The following MYO3A variants were observed in gnomAD, a reference collection of about 807,000 sequenced individuals.
MYO3A encodes the protein myosin IIIA.
A neutral mutation model predicts 192.7 loss-of-function variants in MYO3A; 180 were observed. That is an observed-to-expected ratio of 0.93 (90% CI 0.83 to 1.06). MYO3A has a LOEUF of 1.06. Ranked by LOEUF, MYO3A falls within the 50% of genes least tolerant of loss-of-function variation. MYO3A has a pLI of 0.00. For missense variants in MYO3A, 1,896 were observed against 1,905.0 expected (o/e 1.00, Z 0.09); for synonymous variants, 628 against 645.3 (o/e 0.97, Z 0.41).
chr10:26,126,426 C>T (rs1385298913), intron 19 of MYO3A, among the ~76,000 whole-genome samples: 1 of 152,130 alleles, frequency 6.6e-6, no homozygotes, highest in Non-Finnish European at 1.5e-5. Context: ...CACTAAAATA[C>T]ATACCACACC....
intron 4 of MYO3A, among the ~76,000 whole-genome samples, chr10:25,988,741 T>TA (rs960966377): frequency 4.6e-5 from 7 of 151,328 alleles, no homozygotes; most frequent in Non-Finnish European, 1.0e-4. Context: ...TACTCAGCAT[T>TA]AAAAAAAAGG....
chr10:26,198,530 T>C (rs1843524837), intron 32 of MYO3A, among the ~76,000 whole-genome samples: 2 of 152,246 alleles, frequency 1.3e-5, no homozygotes, highest in Admixed American at 1.3e-4. Flanking sequence ...CCAAAGTCTT[T>C]TTCTTCCTAA....
intron 14 of MYO3A, among the ~76,000 whole-genome samples, chr10:26,085,948 A>G (rs1321807183): frequency 2.6e-5 from 4 of 152,086 alleles, no homozygotes; most frequent in Non-Finnish European, 4.4e-5. Context: ...CGTGCTCTAC[A>G]GGATTTCTTC....
intron 4 of MYO3A, among the ~76,000 whole-genome samples, chr10:25,985,889 A>C (rs1839621404): frequency 6.6e-6 from 1 of 152,142 alleles, no homozygotes. Context: ...AGGACATAAC[A>C]AAAAAAGGAA....
chr10:26,066,941 C>A (rs765024448), intron 10 of MYO3A, 34 bp from the exon 11 acceptor site: 5 of 1,456,286 alleles, frequency 3.4e-6, no homozygotes, highest in Non-Finnish European at 4.8e-6. Flanking sequence ...GAGCAGTAAT[C>A]AATTCTTAAA....
At chr10:25,957,827 A>G (rs1027110487) in intron 4 of MYO3A, among the ~76,000 whole-genome samples, 1 of 152,166 alleles carries the variant, frequency 6.6e-6, no homozygotes, top group African/African-American at 2.4e-5. Flanking sequence ...TTTGATTTTC[A>G]TATCTCTAAT....
intron 2 of MYO3A, among the ~76,000 whole-genome samples, chr10:25,938,138 T>C (rs1393065610): frequency 1.3e-5 from 2 of 152,196 alleles, no homozygotes; most frequent in East Asian, 3.9e-4. Flanking sequence ...AGGAGAATAA[T>C]CTATAGAATA....
At chr10:26,056,699 A>G (rs902581812) in intron 10 of MYO3A, among the ~76,000 whole-genome samples, 2 of 152,174 alleles carry the variant, frequency 1.3e-5, no homozygotes, top group African/African-American at 4.8e-5. Context: ...AATGCCCAGA[A>G]GCAAAGCGCT....
At chr10:26,201,766 G>A (rs1413988879) in intron 33 of MYO3A, among the ~76,000 whole-genome samples, 4 of 151,692 alleles carry the variant, frequency 2.6e-5, no homozygotes, top group Non-Finnish European at 4.4e-5. Context: ...TTTACGTTAC[G>A]AATATGTGAT....
intron 9 of MYO3A, among the ~76,000 whole-genome samples, chr10:26,025,671 C>T (rs967803965): frequency 2.6e-5 from 4 of 152,178 alleles, no homozygotes; most frequent in African/African-American, 9.7e-5. Context: ...CCTTCTTTTA[C>T]ATATTCAAAG....
intron 6 of MYO3A, among the ~76,000 whole-genome samples, chr10:26,004,691 G>C (rs1037484706): frequency 5.3e-5 from 8 of 152,084 alleles, no homozygotes; most frequent in Admixed American, 6.6e-5. Flanking sequence ...TAATGATGGA[G>C]ACATGTCAGA....
At chr10:26,079,319 CT>C (rs1395250641) in intron 14 of MYO3A, among the ~76,000 whole-genome samples, 1 of 152,152 alleles carries the variant, frequency 6.6e-6, no homozygotes, top group Non-Finnish European at 1.5e-5. Flanking sequence ...ATAGCTACCC[CT>C]GCTTGCTTTT....
chr10:25,953,118 T>G (rs115179692), intron 3 of MYO3A, among the ~76,000 whole-genome samples: 1 of 151,866 alleles, frequency 6.6e-6, no homozygotes, highest in African/African-American at 2.4e-5. Context: ...ATTAACAGAC[T>G]CTTGCACACA....
chr10:26,100,306 A>G lies in MYO3A; in HGVS notation c.1776+3624A>G, dbSNP rs942334100. 6.6e-5 allele frequency among the ~76,000 whole-genome samples: 10 copies of G among 151,744 alleles called. 1 individual carries two copies. Among genetic ancestry groups the G allele is most frequent in the Admixed American group, 6.6e-4 (10 of 15,236 alleles). ...TTGATTCTTCTCTCTTTTCTTCTTT[A>G]TTAGTGTTGCTAGCGGTCTATCAAT... is the stretch of plus-strand genomic sequence containing the variant. On this transcript the variant is annotated intron_variant, in intron 17 of 34. Transcript: ENST00000642920.
chr10:26,081,215 ACT>A (rs1564529399), intron 14 of MYO3A, among the ~76,000 whole-genome samples: 1 of 139,004 alleles, frequency 7.2e-6, no homozygotes, highest in Non-Finnish European at 1.5e-5. Context: ...CTGAGTTCAG[ACT>A]CTCCTTGGGC....
rs34644371 is a variant in MYO3A, at chr10:26,071,023, AT to A, written c.1359+632del. 7.3e-5 allele frequency among the ~76,000 whole-genome samples: 11 copies of A among 150,110 alleles called. No homozygotes were observed. In the East Asian group the frequency reaches 1.2e-3, roughly 16 times the overall value. On this transcript the variant is annotated intron_variant, in intron 14 of 34. Transcript: ENST00000642920. ...CAATTACAATAAAAATCCAAACAGG[AT>A]TTTTTTTTTGGTGGGAATTGACAAG...
intron 33 of MYO3A, among the ~76,000 whole-genome samples, chr10:26,201,967 T>C (rs1843696862): frequency 6.6e-6 from 1 of 152,198 alleles, no homozygotes; most frequent in African/African-American, 2.4e-5. Flanking sequence ...AAACTCCTTT[T>C]TGCTTTTTCT....
intron 23 of MYO3A, among the ~76,000 whole-genome samples, chr10:26,153,638 A>G (rs1840928060): frequency 6.6e-6 from 1 of 152,210 alleles, no homozygotes; most frequent in African/African-American, 2.4e-5. Flanking sequence ...CTGTTTTCCA[A>G]GCTCAAGAGT....
In MYO3A at chr10:26,181,627, C is replaced by CAAAAA. The variant is rs565131842; in HGVS notation, c.4438+4785_4438+4786insAAAAA. ...TCTAGGAGTAAAAAAAATAAAAAGT[C>CAAAAA]AAACCCACTACTATTCTTTACTCAT... On this transcript the variant is annotated intron_variant, in intron 31 of 34. Coordinates refer to ENST00000642920, the MANE Select transcript of MYO3A (RefSeq NM_017433.5). Among the ~76,000 whole-genome samples the CAAAAA allele has an allele frequency of 2.0e-4, 31 of 151,836 alleles. No homozygotes were observed. In the South Asian group the frequency reaches 6.4e-3, roughly 32 times the overall value.
Sources: allele counts gnomAD v4.1 joint callset (sites outside exome capture counted in the v4.1 genomes callset), GRCh38; gene constraint gnomAD v4.1.1; transcripts MANE v1.5; gene names NCBI Gene and HGNC (gene_info 2026-07-23, HGNC 2026-07-21).